The following SOD2 variants were observed in gnomAD, a reference collection of about 807,000 sequenced individuals.
The protein encoded by SOD2 is superoxide dismutase 2, also known as superoxide dismutase [Mn], mitochondrial.
In SOD2, 11 loss-of-function variants were observed where a neutral mutation model predicts 27.0. That is an observed-to-expected ratio of 0.41 (90% CI 0.26 to 0.67). The LOEUF is 0.67. Among genes scored for constraint, SOD2 ranks in the 30% least tolerant of loss-of-function variants. The pLI, the probability that SOD2 is intolerant of heterozygous loss-of-function variation, is 0.34. For synonymous variants in SOD2, 105 were observed against 103.0 expected (o/e 1.02, Z -0.12); for missense variants, 250 against 274.5 (o/e 0.91, Z 0.63).
chr6:159,742,384 G>A (rs1380688739), intron 1 of SOD2, among the ~76,000 whole-genome samples: 1 of 152,122 alleles, frequency 6.6e-6, no homozygotes, highest in Non-Finnish European at 1.5e-5. Flanking sequence ...AAAATTATAT[G>A]CAAGGTTCTG....
chr6:159,708,233 A>G (rs1209335545), intron 1 of SOD2, among the ~76,000 whole-genome samples: 2 of 152,042 alleles, frequency 1.3e-5, no homozygotes, highest in Non-Finnish European at 2.9e-5. Context: ...CTCTCTCACC[A>G]CTCCTATTCA....
intron 2 of SOD2, chr6:159,692,215 G>T: frequency 2.9e-6 from 1 of 350,080 alleles, no homozygotes; most frequent in Non-Finnish European, 5.0e-6. Flanking sequence ...CTGGCCACCA[G>T]TGGACAGGCG....
intron 1 of SOD2, chr6:159,725,568 G>C (rs1384790798): frequency 3.4e-5 from 5 of 149,020 alleles, no homozygotes; most frequent in African/African-American, 1.2e-4. Context: ...GTTTCAATTT[G>C]CTTTCAACCT....
chr6:159,690,284 CAA>C (rs11429489), intron 2 of SOD2, among the ~76,000 whole-genome samples: 9 of 67,026 alleles, frequency 1.3e-4, no homozygotes, highest in African/African-American at 1.8e-4. Flanking sequence ...GAGATTCCGT[CAA>C]AAAAAAAAAA....
chr6:159,749,887 A>C (rs936380818), upstream of SOD2, among the ~76,000 whole-genome samples: 6 of 152,190 alleles, frequency 3.9e-5, no homozygotes, highest in African/African-American at 1.4e-4. Context: ...CACCAATTCA[A>C]ATTTTCGCTT....
Position 159,674,392 on chromosome 6 carries a change from T to C in SOD2, c.*8101A>G, listed in dbSNP as rs996282028. 2 of 152,206 alleles carry C rather than the reference T, an allele frequency of 1.3e-5. No individual in the cohort carries two copies. Among genetic ancestry groups the C allele is most frequent in the Admixed American group, 1.3e-4 (2 of 15,286 alleles). The allele number at this position is 152,206 out of a possible 1,614,324, so 9.4% of individuals were successfully genotyped here. ...ATCCAGCAGCATATCAAAAAGCTTA[T>C]CCACCATGATCAAGTGGGCTTCATC... On this transcript the variant is annotated 3_prime_UTR_variant, in exon 5 of 5. Coordinates refer to ENST00000538183, the MANE Select transcript of SOD2 (RefSeq NM_000636.4).
chr6:159,745,930 C>A (rs929662706), upstream of SOD2, among the ~76,000 whole-genome samples: 3 of 152,062 alleles, frequency 2.0e-5, no homozygotes, highest in Non-Finnish European at 4.4e-5. Context: ...TGAAAAAAAT[C>A]TAGGGAGGAA....
intron 1 of SOD2, chr6:159,736,771 G>C (rs1333914306): frequency 1.3e-5 from 2 of 153,360 alleles, no homozygotes; most frequent in Non-Finnish European, 2.9e-5. Context: ...TTGTTGTCTA[G>C]TCTCAAATCT....
chr6:159,686,296 G>T (rs1434668736), intron 3 of SOD2, among the ~76,000 whole-genome samples: 1 of 152,128 alleles, frequency 6.6e-6, no homozygotes, highest in Admixed American at 6.5e-5. Flanking sequence ...CTGATATTCT[G>T]GTAACTGACA....
At chr6:159,755,888 G>T in intron 1 of SOD2, 1 of 366,276 alleles carries the variant, frequency 2.7e-6, no homozygotes, top group Non-Finnish European at 4.4e-6. Context: ...TTTTATATGA[G>T]TTAATGTGAA....
chr6:159,727,692 C>G, upstream of SOD2: 1 of 983,908 alleles, frequency 1.0e-6, no homozygotes, highest in South Asian at 4.7e-5. Flanking sequence ...GGCGCGGCTT[C>G]TGCCTGGAGA....
intron 3 of SOD2, among the ~76,000 whole-genome samples, chr6:159,687,275 A>C (rs1780234939): frequency 6.6e-6 from 1 of 152,126 alleles, no homozygotes; most frequent in Admixed American, 6.5e-5. Flanking sequence ...ACTTGAGGCC[A>C]GGAGTTCGAG....
At chr6:159,754,737 T>C (rs1414495939) in intron 1 of SOD2, among the ~76,000 whole-genome samples, 1 of 152,212 alleles carries the variant, frequency 6.6e-6, no homozygotes, top group Non-Finnish European at 1.5e-5. Context: ...CTGTACATGT[T>C]CAGTATAGAC....
intron 1 of SOD2, among the ~76,000 whole-genome samples, chr6:159,750,588 G>T (rs985305525): frequency 1.9e-4 from 29 of 152,152 alleles, no homozygotes; most frequent in African/African-American, 6.3e-4. Flanking sequence ...TTAAACAAAT[G>T]TGATCATACC....
At chr6:159,715,826 G>C (rs1184596937) in intron 1 of SOD2, among the ~76,000 whole-genome samples, 2 of 152,018 alleles carry the variant, frequency 1.3e-5, no homozygotes, top group East Asian at 3.9e-4. Flanking sequence ...CTTGAGCCCA[G>C]GAGGTGCAGG....
chr6:159,743,174 A>G (rs560429873), intron 1 of SOD2, among the ~76,000 whole-genome samples: 2 of 152,298 alleles, frequency 1.3e-5, no homozygotes, highest in South Asian at 4.1e-4. Context: ...CAGCCTCCCA[A>G]GTAGCTGGGA....
intron 1 of SOD2, among the ~76,000 whole-genome samples, chr6:159,698,980 G>A (rs1777479730): frequency 6.6e-6 from 1 of 151,530 alleles, no homozygotes; most frequent in African/African-American, 2.4e-5. Flanking sequence ...ACATAGAAGT[G>A]GACCCATGCA....
chr6:159,694,078 G>C (rs966464444), upstream of SOD2, among the ~76,000 whole-genome samples: 7 of 152,232 alleles, frequency 4.6e-5, no homozygotes, highest in African/African-American at 1.7e-4. Flanking sequence ...GTCAGGACTA[G>C]TTCCCACCTT....
chr6:159,731,378 G>C (rs1778560583), upstream of SOD2, among the ~76,000 whole-genome samples: 1 of 152,038 alleles, frequency 6.6e-6, no homozygotes, highest in Non-Finnish European at 1.5e-5. Flanking sequence ...TGAGGCAAGA[G>C]GATCAGTTGA....
Sources: allele counts gnomAD v4.1 joint callset (sites outside exome capture counted in the v4.1 genomes callset), GRCh38; gene constraint gnomAD v4.1.1; transcripts MANE v1.5; gene names NCBI Gene and HGNC (gene_info 2026-07-23, HGNC 2026-07-21).